PTH2R: variants seen among roughly 807,000 people sequenced by gnomAD.
The protein encoded by PTH2R is parathyroid hormone 2 receptor.
In PTH2R, 59 loss-of-function variants were observed where a neutral mutation model predicts 60.3. The ratio of observed to expected loss-of-function variants is 0.98; its 90% CI spans 0.79 to 1.22. PTH2R has a LOEUF of 1.22. Ranked by LOEUF, PTH2R falls within the 50% of genes most tolerant of loss-of-function variation. The pLI, the probability that PTH2R is intolerant of heterozygous loss-of-function variation, is 0.00. For missense variants in PTH2R, 749 were observed against 682.6 expected, an observed-to-expected ratio of 1.10 and a Z score of -1.08; for synonymous variants, 256 against 243.8, an observed-to-expected ratio of 1.05 and a Z score of -0.47.
rs986105385 is a variant in PTH2R at position 208,360,127 on chromosome 2, T to A, written c.-369T>A. On this transcript the variant is annotated 5_prime_UTR_variant, in exon 1 of 13. Coordinates refer to the PTH2R transcript ENST00000617735. ...GATTTTTTTCCCTCGAAAATGACCT[T>A]TTTATGCTTCGAAGCAGTTTGTCAC... is the stretch of plus-strand genomic sequence containing the variant. The A allele has an allele frequency of 5.3e-5, 22 of 415,774 alleles. 1 individual carries two copies. The highest frequency in any genetic ancestry group is 8.1e-4 in the Middle Eastern group (2 of 2,470). 25.8% of individuals were successfully genotyped at this position (415,774 alleles called of 1,614,324 possible).
chr2:208,367,006 A>G (rs1002460511), intron 1 of PTH2R, among the ~76,000 whole-genome samples: 1 of 151,876 alleles, frequency 6.6e-6, no homozygotes. Context: ...ATCATCTTCC[A>G]TGGCGTAGGT....
chr2:208,378,343 G>A (rs1280228454), intron 1 of PTH2R, among the ~76,000 whole-genome samples: 1 of 151,844 alleles, frequency 6.6e-6, no homozygotes, highest in Non-Finnish European at 1.5e-5. Context: ...GCTTTGGCTC[G>A]GCATCAGAGG....
chr2:208,378,467 C>T (rs1442396120), intron 1 of PTH2R, among the ~76,000 whole-genome samples: 1 of 152,062 alleles, frequency 6.6e-6, no homozygotes, highest in Non-Finnish European at 1.5e-5. Flanking sequence ...CGTAGTTCCT[C>T]CCAAAATTCA....
intron 1 of PTH2R, among the ~76,000 whole-genome samples, chr2:208,413,542 G>T (rs1011496126): frequency 6.6e-6 from 1 of 152,048 alleles, no homozygotes; most frequent in African/African-American, 2.4e-5. Flanking sequence ...TTTCAATAGT[G>T]CAAGAACTAC....
At chr2:208,490,428 A>T (rs1453166185) in intron 11 of PTH2R, among the ~76,000 whole-genome samples, 4 of 152,180 alleles carry the variant, frequency 2.6e-5, no homozygotes. Context: ...TTATTTAGTG[A>T]CTTATTTGGT....
Position 208,419,782 on chromosome 2 carries a change from C to T in PTH2R, c.76-8419C>T, listed in dbSNP as rs369935690. ...CAGCACCATTTATTAAACAGGGAAT[C>T]CTTTCTCCATTGCTTGTTTTTTAAA... is the stretch of plus-strand genomic sequence containing the variant. On this transcript the variant is annotated intron_variant, in intron 1 of 12. Coordinates refer to ENST00000272847, the MANE Select transcript of PTH2R (RefSeq NM_005048.4). 3.4e-4 allele frequency among the ~76,000 whole-genome samples: 52 copies of T among 152,298 alleles called. 1 individual carries two copies. The East Asian group carries it at 6.0e-3, about 18-fold the overall frequency.
rs920469234 is a variant in PTH2R at position 208,475,638 on chromosome 2, T to G, written c.982-5432T>G. Among the ~76,000 whole-genome samples, 6 of 152,230 alleles carry G rather than the reference T, an allele frequency of 3.9e-5. No individual in the cohort carries two copies. In the South Asian group the frequency reaches 1.0e-3, roughly 26 times the overall value. On this transcript the variant is annotated intron_variant, in intron 9 of 12. Transcript: ENST00000272847. ...CAACATTATTGCAGAGATTTTGACC[T>G]TTAAATAACCCTCCAGAGAACTAAC...
intron 5 of PTH2R, among the ~76,000 whole-genome samples, chr2:208,443,049 A>AT (rs1431088963): frequency 6.6e-6 from 1 of 152,116 alleles, no homozygotes; most frequent in Non-Finnish European, 1.5e-5. Context: ...TTTTTGGGTC[A>AT]TTTTTCTCTA....
chr2:208,414,332 A>G (rs1041456443), intron 1 of PTH2R, among the ~76,000 whole-genome samples: 2 of 152,146 alleles, frequency 1.3e-5, no homozygotes, highest in African/African-American at 4.8e-5. Context: ...TTTAATATAA[A>G]AATATAATTT....
intron 8 of PTH2R, among the ~76,000 whole-genome samples, chr2:208,451,042 G>A (rs563188448): frequency 2.0e-5 from 3 of 152,078 alleles, no homozygotes; most frequent in African/African-American, 7.2e-5. Flanking sequence ...GACCTCCATA[G>A]ATTAAGAAAC....
chr2:208,388,317 A>G (rs960199514), intron 1 of PTH2R, among the ~76,000 whole-genome samples: 2 of 152,108 alleles, frequency 1.3e-5, no homozygotes, highest in African/African-American at 2.4e-5. Flanking sequence ...ACTCCTTCTC[A>G]AAAACAAAAA....
rs566671979 is a variant in PTH2R at position 208,410,724 on chromosome 2, C to T, written c.75+3606C>T. Reference sequence around the variant, plus strand: ...TACATTAAAATACATGCACATAAAACAGTAATATATGTTTTATGAACATAT... The same window carrying T: ...TACATTAAAATACATGCACATAAAATAGTAATATATGTTTTATGAACATAT... On this transcript the variant is annotated intron_variant, in intron 1 of 12. Transcript: ENST00000272847. Among the ~76,000 whole-genome samples, 3 of 152,102 alleles carry T rather than the reference C, an allele frequency of 2.0e-5. No homozygotes were observed. In the South Asian group the frequency reaches 6.2e-4, roughly 32 times the overall value.
chr2:208,443,296 C>G (rs992155404), intron 5 of PTH2R, 52 bp from the exon 6 acceptor site: 1 of 1,449,736 alleles, frequency 6.9e-7, no homozygotes, highest in South Asian at 1.5e-5. Flanking sequence ...CTGGGTGTTT[C>G]CCCCATTTTT....
chr2:208,396,149 T>C (rs1186102321), intron 1 of PTH2R, among the ~76,000 whole-genome samples: 5 of 152,096 alleles, frequency 3.3e-5, no homozygotes, highest in African/African-American at 9.7e-5. Context: ...ACACCTTATA[T>C]AAAAATTAAT....
intron 9 of PTH2R, among the ~76,000 whole-genome samples, chr2:208,465,302 G>A (rs1322459149): frequency 4.0e-5 from 6 of 150,940 alleles, no homozygotes; most frequent in African/African-American, 1.2e-4. Flanking sequence ...ACAGGTATGA[G>A]GTGTTAGCTT....
chr2:208,413,102 C>T (rs1481202941), intron 1 of PTH2R, among the ~76,000 whole-genome samples: 1 of 151,356 alleles, frequency 6.6e-6, no homozygotes. Flanking sequence ...AATATAAACA[C>T]AGATGTAGTT....
intron 10 of PTH2R, among the ~76,000 whole-genome samples, chr2:208,486,117 G>T (rs1703268336): frequency 6.6e-6 from 1 of 152,216 alleles, no homozygotes; most frequent in Non-Finnish European, 1.5e-5. Context: ...TTTAATTTCA[G>T]CCTTGAGAGA....
intron 1 of PTH2R, among the ~76,000 whole-genome samples, chr2:208,419,664 A>G (rs1701711789): frequency 6.6e-6 from 1 of 152,188 alleles, no homozygotes; most frequent in Non-Finnish European, 1.5e-5. Flanking sequence ...TAGGTCTAAC[A>G]TTTAAGTCTT....
intron 10 of PTH2R, among the ~76,000 whole-genome samples, chr2:208,486,820 A>G (rs1317674292): frequency 6.6e-6 from 1 of 152,208 alleles, no homozygotes; most frequent in Non-Finnish European, 1.5e-5. Flanking sequence ...CCCACTGTTT[A>G]TCAAGGATCT....
Sources: gnomAD v4.1 joint callset for allele counts (sites outside exome capture counted in the v4.1 genomes callset) on GRCh38, gnomAD v4.1.1 for gene constraint, MANE v1.5 for transcripts, NCBI Gene and HGNC (gene_info 2026-07-23, HGNC 2026-07-21) for gene names.